The following VPS51 variants were observed in gnomAD, a reference collection of about 807,000 sequenced individuals.
The protein encoded by VPS51 is VPS51 subunit of GARP complex.
In VPS51, 55 loss-of-function variants were observed where a neutral mutation model predicts 65.1. The ratio of observed to expected loss-of-function variants is 0.84; its 90% confidence interval spans 0.68 to 1.06. The LOEUF is 1.06. VPS51 is among the 50% of genes least tolerant of loss of function. VPS51 has a pLI of 0.00. For missense variants in VPS51, 943 were observed against 1,101.6 expected, an observed-to-expected ratio of 0.86 and a Z score of 2.04; for synonymous variants, 473 against 489.5, an observed-to-expected ratio of 0.97 and a Z score of 0.44.
intron 7 of VPS51, 58 bp from the exon 8 acceptor site, chr11:65,110,424 A>G (rs1462360212): frequency 1.2e-6 from 2 of 1,612,586 alleles, no homozygotes; most frequent in Admixed American, 1.7e-5. Context: ...CTCAGCACCG[A>G]TGGGCTGGTG....
In VPS51 at chr11:65,111,781, TC is replaced by T. The variant is rs2137197821; in HGVS notation, c.*196del. 1 of 1,094,686 alleles carries T rather than the reference TC, an allele frequency of 9.1e-7. No homozygotes were observed. Among genetic ancestry groups the T allele is most frequent in the South Asian group, 1.7e-5 (1 of 60,324 alleles). 67.8% of individuals were successfully genotyped at this position (1,094,686 alleles called of 1,614,324 possible). A position where few individuals can be genotyped will look rare whatever the true frequency, so the allele number is the denominator to read the frequency against. Reference sequence around the variant, plus strand: ...AGGCTTCTGAGGCGCCCGCGTCGGGTCCGCCCCCGAGCGCCGATTGGCTGGT... The same window carrying T: ...AGGCTTCTGAGGCGCCCGCGTCGGGTCGCCCCCGAGCGCCGATTGGCTGGT... On this transcript the variant is annotated 3_prime_UTR_variant, in exon 10 of 10. Coordinates refer to ENST00000279281, the MANE Select transcript of VPS51 (RefSeq NM_013265.4).
At position 65,109,229 on chromosome 11, in the gene VPS51, C is replaced by T. The variant is rs368742101; in HGVS notation, c.1444-51C>T. ...AGCCCCAGCAGAGGGTCATTAACAG[C>T]CTTACCTGGAAGAGGGGACCTGCTG... On this transcript the variant is annotated intron_variant, in intron 5 of 9. Coordinates refer to ENST00000279281, the MANE Select transcript of VPS51 (RefSeq NM_013265.4). The T allele has an allele frequency of 4.4e-6, 7 of 1,576,226 alleles. No homozygotes were observed. The African/African-American group carries it at 6.7e-5, about 15-fold the overall frequency.
chr11:65,111,019 T>A (rs1005998180), intron 9 of VPS51: 1 of 662,772 alleles, frequency 1.5e-6, no homozygotes, highest in Non-Finnish European at 2.6e-6. Context: ...GACCTGGGAT[T>A]ACTGTTTGCC....
chr11:65,108,328 A>T lies in VPS51; in HGVS notation c.857A>T (p.Asn286Ile). 5.6e-6 allele frequency: 9 copies of T among 1,610,558 alleles called. No individual in the cohort carries two copies. Among genetic ancestry groups the T allele is most frequent in the Non-Finnish European group, 7.6e-6 (9 of 1,179,116 alleles). Residue 286 changes from asparagine (N) to isoleucine (I), a missense_variant, in exon 5 of 10, where the codon AAC (asparagine) becomes ATC (isoleucine). Physicochemically the swap from Asn to Ile is moderately radical, Grantham distance 149. Transcript: ENST00000279281. ...ARGRLEKELR[N>I]LEAELGPSPP... The stretch of plus-strand genomic sequence containing the variant: ...GGCCGGCTGGAGAAGGAGCTGAGAA[A>T]CCTGGAGGCCGAGCTGGGGCCCTCA...
Position 65,111,675 on chromosome 11 carries a change from C to G in VPS51, c.*88C>G. ...GTGGTCCTTCCCCGCAGGCAGGTGT[C>G]AGGACCGGCCTAATAAACATGTGTG... is the stretch of plus-strand genomic sequence containing the variant. On this transcript the variant is annotated 3_prime_UTR_variant, in exon 10 of 10. Coordinates refer to ENST00000279281, the MANE Select transcript of VPS51 (RefSeq NM_013265.4). The G allele has an allele frequency of 3.3e-5, 48 of 1,466,808 alleles. No individual in the cohort carries two copies. The highest frequency in any genetic ancestry group is 4.3e-5 in the Non-Finnish European group (48 of 1,109,464). 90.9% of individuals were successfully genotyped at this position (1,466,808 alleles called of 1,614,324 possible).
chr11:65,096,924 G>C, intron 1 of VPS51, 74 bp from the exon 2 acceptor site: 1 of 1,587,870 alleles, frequency 6.3e-7, no homozygotes, highest in Admixed American at 1.7e-5. Flanking sequence ...TGCCCTGAAA[G>C]CCTATCAGCT....
At chr11:65,111,077 G>C in intron 9 of VPS51, 1 of 724,292 alleles carries the variant, frequency 1.4e-6, no homozygotes, top group East Asian at 2.7e-5. Flanking sequence ...AGGGTTTTCT[G>C]TTCACCCATG....
Position 65,096,256 on chromosome 11 carries a change from G to A in VPS51, c.6G>A (p.Ala2=). 2 of 1,522,332 alleles carry A rather than the reference G, an allele frequency of 1.3e-6. No homozygotes were observed. The highest frequency in any genetic ancestry group is 1.8e-6 in the Non-Finnish European group (2 of 1,138,834). 94.3% of individuals were successfully genotyped at this position (1,522,332 alleles called of 1,614,324 possible). The change falls in exon 1 of 10, where the codon GCG becomes GCA. Residue 2 remains alanine, a synonymous_variant. Coordinates refer to ENST00000279281, the MANE Select transcript of VPS51 (RefSeq NM_013265.4). M[A]AAAAAGPSPG... Reference sequence around the variant, plus strand: ...CGTGGGCTGCAGTTGGAACGATGGCGGCGGCAGCTGCCGCCGGGCCTAGCC... The same window carrying A: ...CGTGGGCTGCAGTTGGAACGATGGCAGCGGCAGCTGCCGCCGGGCCTAGCC...
chr11:65,105,388 C>CA (rs1318759542), intron 2 of VPS51: 2,132 of 130,438 alleles, frequency 0.016, 31 homozygotes, highest in African/African-American at 0.045. Flanking sequence ...GACCCTGTCT[C>CA]AAAAAAAAAA....
At position 65,110,448 on chromosome 11, in the gene VPS51, C is replaced by G. The variant is rs189319931; in HGVS notation, c.1879-34C>G. ...GATGGGCTGGTGGTTTCCCCTGACT[C>G]GGGCCTCCTTGCAGTACCTCTTTTT... On this transcript the variant is annotated intron_variant, in intron 7 of 9. Coordinates refer to ENST00000279281, the MANE Select transcript of VPS51 (RefSeq NM_013265.4). The G allele has an allele frequency of 2.1e-3, 3,330 of 1,613,512 alleles. 3 individuals carry two copies. The highest frequency in any genetic ancestry group is 5.3e-3 in the Admixed American group (321 of 60,010).
At chr11:65,106,096 T>G (rs1455344420) in intron 2 of VPS51, among the ~76,000 whole-genome samples, 4 of 152,252 alleles carry the variant, frequency 2.6e-5, no homozygotes, top group Non-Finnish European at 5.9e-5. Flanking sequence ...TCTTCGCCTT[T>G]CTTTATGAAC....
chr11:65,099,081 A>T (rs1947790485), intron 2 of VPS51, among the ~76,000 whole-genome samples: 1 of 152,136 alleles, frequency 6.6e-6, no homozygotes, highest in Non-Finnish European at 1.5e-5. Context: ...CAAGCTACTC[A>T]TGAGGCTGAG....
intron 2 of VPS51, among the ~76,000 whole-genome samples, chr11:65,101,762 CAAAAAAAAAAA>C (rs1165429983): frequency 0.028 from 736 of 26,346 alleles, 19 homozygotes; most frequent in African/African-American, 0.067. Context: ...GACCTTGTCT[CAAAAAAAAAAA>C]AAAAAAAAAA....
intron 2 of VPS51, among the ~76,000 whole-genome samples, chr11:65,097,338 A>C (rs1349500970): frequency 6.6e-6 from 1 of 152,220 alleles, no homozygotes; most frequent in African/African-American, 2.4e-5. Context: ...TAAGTACCAA[A>C]GGAGAGAAAA....
intron 2 of VPS51, among the ~76,000 whole-genome samples, chr11:65,098,268 C>T (rs1428447199): frequency 6.6e-6 from 1 of 152,184 alleles, no homozygotes; most frequent in Non-Finnish European, 1.5e-5. Flanking sequence ...GCTTTCTTTT[C>T]TGCTCCAGGG....
intron 2 of VPS51, among the ~76,000 whole-genome samples, chr11:65,106,730 G>A (rs796509765): frequency 5.6e-5 from 8 of 143,032 alleles, no homozygotes; most frequent in African/African-American, 2.0e-4. Flanking sequence ...CAGTCTGGGC[G>A]ACAGAGCGAG....
Position 65,110,698 on chromosome 11 carries a change from C to G in VPS51, c.2005C>G (p.Pro669Ala), listed in dbSNP as rs755280975. 1.2e-6 allele frequency: 2 copies of G among 1,614,144 alleles called. No individual in the cohort carries two copies. The highest frequency in any genetic ancestry group is 2.2e-5 in the South Asian group (2 of 91,084). Residue 669 changes from proline to alanine, a missense_variant, in exon 9 of 10, where the codon CCG becomes GCG. Pro to Ala is a conservative substitution (Grantham distance 27). Transcript: ENST00000279281. ...TCCTTGTCTTCCCCAATCCAGTGCC[C>G]CGATGGACACCAACCTCTTGAGCAA... ...RYAPSYTPSA[P>A]MDTNLLSNIQ...
rs951298821 is a variant in VPS51, at chr11:65,107,222, A to C, written c.359-359A>C. 2.0e-6 allele frequency: 1 copy of C among 497,078 alleles called. No homozygotes were observed. The highest frequency in any genetic ancestry group is 1.9e-5 in the African/African-American group (1 of 51,836). The allele number at this position is 497,078 out of a possible 1,614,324, so 30.8% of individuals were successfully genotyped here. A position where few individuals can be genotyped will look rare whatever the true frequency, so the allele number is the denominator to read the frequency against. On this transcript the variant is annotated intron_variant, in intron 2 of 9. Coordinates refer to ENST00000279281, the MANE Select transcript of VPS51 (RefSeq NM_013265.4). The surrounding 1 kb of genome is among the most constrained non-coding windows in gnomAD (Gnocchi z 4.0). ...GGACACGCAGATGCGCTTGGGAGCC[A>C]GCGGTCCCTGCCTTGGCTGCTTGTG...
chr11:65,111,858 C>A lies in VPS51; in HGVS notation c.*271C>A. 1 of 994,378 alleles carries A rather than the reference C, an allele frequency of 1.0e-6. No homozygotes were observed. 61.6% of individuals were successfully genotyped at this position (994,378 alleles called of 1,614,324 possible). On this transcript the variant is annotated 3_prime_UTR_variant, in exon 10 of 10. Coordinates refer to ENST00000279281, the MANE Select transcript of VPS51 (RefSeq NM_013265.4). ...GCGGTTCCACTTAAAAACCCTGGGA[C>A]GAGAGCGGTCCTTGTCTGCGTTCCG...
Sources: allele counts gnomAD v4.1 joint callset (sites outside exome capture counted in the v4.1 genomes callset), GRCh38; gene constraint gnomAD v4.1.1; non-coding constraint Gnocchi (gnomAD v3.1); transcripts MANE v1.5; gene names NCBI Gene and HGNC (gene_info 2026-07-23, HGNC 2026-07-21).